Variants in GRID2 observed in about 807,000 individuals in gnomAD.
The protein encoded by GRID2 is glutamate receptor ionotropic, delta-2.
Under a neutral mutation model 114.8 loss-of-function variants are expected in GRID2, and 33 were observed. That is an observed-to-expected ratio of 0.29 (90% CI 0.22 to 0.38). The LOEUF (loss-of-function observed/expected upper bound fraction) is 0.38, where lower values mean the gene tolerates loss of function less well. GRID2 is among the 10% of genes least tolerant of loss of function. The probability of loss-of-function intolerance (pLI) is 1.00; values close to 1 mark genes in which losing one functional copy is unlikely to be tolerated. For missense variants in GRID2, 1,184 were observed against 1,257.7 expected (o/e 0.94, Z 0.89); for synonymous variants, 505 against 449.9 (o/e 1.12, Z -1.55).
chr4:93,652,281 T>C (rs1722644976), intron 14 of GRID2, among the ~76,000 whole-genome samples: 2 of 151,904 alleles, frequency 1.3e-5, no homozygotes, highest in South Asian at 4.1e-4. Flanking sequence ...GCAAGATATC[T>C]CGTAAGAAAT....
chr4:92,450,786 TAATA>T (rs1720876843), intron 1 of GRID2, among the ~76,000 whole-genome samples: 1 of 150,288 alleles, frequency 6.7e-6, no homozygotes, highest in Admixed American at 6.6e-5. Context: ...AAAAGTGTGT[TAATA>T]AATTTAAATT....
intron 4 of GRID2, among the ~76,000 whole-genome samples, chr4:93,189,971 G>A (rs1410806213): frequency 6.6e-6 from 1 of 152,022 alleles, no homozygotes; most frequent in East Asian, 1.9e-4. Flanking sequence ...ACCAGTATTG[G>A]TGGTTTTAAT....
intron 2 of GRID2, among the ~76,000 whole-genome samples, chr4:92,957,249 T>C (rs1467817307): frequency 6.6e-6 from 1 of 152,100 alleles, no homozygotes; most frequent in Non-Finnish European, 1.5e-5. Flanking sequence ...TATGATTTTT[T>C]TTTCTATGTT....
At chr4:93,254,828 G>A (rs1487922164) in intron 8 of GRID2, among the ~76,000 whole-genome samples, 1 of 152,096 alleles carries the variant, frequency 6.6e-6, no homozygotes, top group Non-Finnish European at 1.5e-5. Context: ...TTGGAAATTG[G>A]ATAATTATTC....
chr4:92,879,704 T>C (rs1025442427), intron 2 of GRID2, among the ~76,000 whole-genome samples: 1 of 152,236 alleles, frequency 6.6e-6, no homozygotes, highest in Non-Finnish European at 1.5e-5. Flanking sequence ...TTTAAAAATC[T>C]CAGTCACAAA....
chr4:92,805,225 T>C (rs1372215286), intron 2 of GRID2, among the ~76,000 whole-genome samples: 1 of 151,994 alleles, frequency 6.6e-6, no homozygotes, highest in East Asian at 1.9e-4. Flanking sequence ...TTCTGTGTGA[T>C]TTTTTTGATA....
chr4:93,258,627 A>G (rs991986032), intron 8 of GRID2, among the ~76,000 whole-genome samples: 1 of 151,764 alleles, frequency 6.6e-6, no homozygotes, highest in African/African-American at 2.4e-5. Flanking sequence ...TAAGATTTGA[A>G]AAGCAGCAGG....
chr4:92,895,783 A>C (rs2149474808), intron 2 of GRID2, among the ~76,000 whole-genome samples: 1 of 152,288 alleles, frequency 6.6e-6, no homozygotes, highest in South Asian at 2.1e-4. Flanking sequence ...GAACTGAAGA[A>C]ACCAGGGAGT....
At chr4:93,206,002 A>C (rs536923822) in intron 4 of GRID2, among the ~76,000 whole-genome samples, 1 of 152,186 alleles carries the variant, frequency 6.6e-6, no homozygotes, top group East Asian at 1.9e-4. Context: ...TCACACCAGC[A>C]TGGCATGTGT....
At chr4:93,147,215 A>C (rs1165870444) in intron 4 of GRID2, among the ~76,000 whole-genome samples, 1 of 152,214 alleles carries the variant, frequency 6.6e-6, no homozygotes, top group Non-Finnish European at 1.5e-5. Context: ...ATTCAAACCT[A>C]CAGTGTTATC....
intron 12 of GRID2, among the ~76,000 whole-genome samples, chr4:93,513,978 G>T (rs1467134321): frequency 6.6e-6 from 1 of 152,144 alleles, no homozygotes; most frequent in East Asian, 1.9e-4. Flanking sequence ...TACATTACAT[G>T]AGATTCATGG....
At position 92,871,312 on chromosome 4, in the gene GRID2, C is replaced by CT. The variant is rs150500881; in HGVS notation, c.245-213674dup. On this transcript the variant is annotated intron_variant, in intron 2 of 15. Transcript: ENST00000282020. The stretch of plus-strand genomic sequence containing the variant: ...ATTTAGCCACTGGGATTCTCTGATT[C>CT]TTTTTTTTTCTGTTAATGTAACAAG... Among the ~76,000 whole-genome samples the CT allele has an allele frequency of 1.9e-4, 29 of 148,976 alleles. No individual in the cohort carries two copies. The South Asian group carries it at 4.9e-3, about 25-fold the overall frequency.
At chr4:92,763,503 G>A (rs1315354802) in intron 2 of GRID2, among the ~76,000 whole-genome samples, 1 of 152,012 alleles carries the variant, frequency 6.6e-6, no homozygotes, top group African/African-American at 2.4e-5. Context: ...ATATAGTTTG[G>A]CAACTATTAC....
Position 93,105,122 on chromosome 4 carries a change from G to T in GRID2, c.530-5626G>T, listed in dbSNP as rs571925989. Among the ~76,000 whole-genome samples, 5 of 152,272 alleles carry T rather than the reference G, an allele frequency of 3.3e-5. No homozygotes were observed. The South Asian group carries it at 8.3e-4, about 25-fold the overall frequency. ...AAATGTCTTCTTTTGAGAAGTGTCT[G>T]TTCATGTCCTTTGCCCATTTTTGAT... is the stretch of plus-strand genomic sequence containing the variant. On this transcript the variant is annotated intron_variant, in intron 3 of 15. Transcript: ENST00000282020.
At chr4:93,621,319 C>G (rs1742201716) in intron 13 of GRID2, among the ~76,000 whole-genome samples, 1 of 152,152 alleles carries the variant, frequency 6.6e-6, no homozygotes, top group Non-Finnish European at 1.5e-5. Flanking sequence ...CCTAGCATCT[C>G]TACTTTGGGG....
chr4:92,735,686 T>A (rs1736556831), intron 2 of GRID2, among the ~76,000 whole-genome samples: 1 of 152,178 alleles, frequency 6.6e-6, no homozygotes, highest in Non-Finnish European at 1.5e-5. Flanking sequence ...GAACTTCTTT[T>A]TCAATTGTAT....
chr4:92,653,581 C>T (rs1732081493), intron 2 of GRID2, among the ~76,000 whole-genome samples: 1 of 151,914 alleles, frequency 6.6e-6, no homozygotes, highest in Non-Finnish European at 1.5e-5. Flanking sequence ...TAAACTATGT[C>T]TTACTTTTCT....
chr4:93,634,636 C>A (rs1041842601), intron 14 of GRID2, among the ~76,000 whole-genome samples: 2 of 152,084 alleles, frequency 1.3e-5, no homozygotes, highest in Non-Finnish European at 2.9e-5. Flanking sequence ...CGTTCACCAG[C>A]TTTGTGGGGC....
At chr4:93,213,037 T>C (rs1317036958) in intron 5 of GRID2, among the ~76,000 whole-genome samples, 1 of 152,082 alleles carries the variant, frequency 6.6e-6, no homozygotes, top group Admixed American at 6.6e-5. Flanking sequence ...CCTCCCAAAG[T>C]GTTGGGTTTA....
Sources: gnomAD v4.1 joint callset for allele counts (sites outside exome capture counted in the v4.1 genomes callset) on GRCh38, gnomAD v4.1.1 for gene constraint, MANE v1.5 for transcripts, NCBI Gene and HGNC (gene_info 2026-07-23, HGNC 2026-07-21) for gene names.